TXNRD1: variants seen among roughly 807,000 people sequenced by gnomAD.
TXNRD1 encodes thioredoxin reductase 1, cytoplasmic.
Under a neutral mutation model 80.3 loss-of-function variants are expected in TXNRD1, and 57 were observed. The observed-to-expected ratio is 0.71, with a 90% CI of 0.57 to 0.89. TXNRD1 has a LOEUF of 0.89. Among genes scored for constraint, TXNRD1 ranks in the 40% least tolerant of loss-of-function variants. The pLI is 0.00. For synonymous variants in TXNRD1, 291 were observed against 285.2 expected, an observed-to-expected ratio of 1.02 and a Z score of -0.20; for missense variants, 730 against 803.0, an observed-to-expected ratio of 0.91 and a Z score of 1.10.
chr12:104,288,804 A>G (rs2034065887), intron 3 of TXNRD1, 127 bp from the exon 4 acceptor site: 1 of 1,592,504 alleles, frequency 6.3e-7, no homozygotes, highest in Non-Finnish European at 8.6e-7. Context: ...GCTAACTTGC[A>G]AGGGAGTCAA....
Position 104,288,940 on chromosome 12 carries a change from G to A in TXNRD1, c.314G>A (p.Arg105Gln), listed in dbSNP as rs2034076908. Residue 105 changes from arginine to glutamine, a missense_variant, in exon 4 of 17, where the codon CGG (arginine) becomes CAG (glutamine). Transcript: ENST00000525566. ...CTTTTGTGCCACACAGAGGACGGTC[G>A]GGCCCTGGAAGGAACGCTCTCGGAA... ...VLELDQTEDG[R>Q]ALEGTLSELA... 2 of 1,613,916 alleles carry A rather than the reference G, an allele frequency of 1.2e-6. No individual in the cohort carries two copies. Among genetic ancestry groups the A allele is most frequent in the Non-Finnish European group, 1.7e-6 (2 of 1,179,896 alleles).
chr12:104,285,222 A>G (rs1206600565), intron 3 of TXNRD1, among the ~76,000 whole-genome samples: 3 of 152,198 alleles, frequency 2.0e-5, no homozygotes, highest in Non-Finnish European at 4.4e-5. Context: ...GCATGATGAG[A>G]AATGGTGGAA....
chr12:104,247,190 C>T (rs2033013413), intron 1 of TXNRD1, among the ~76,000 whole-genome samples: 2 of 152,268 alleles, frequency 1.3e-5, no homozygotes, highest in South Asian at 4.1e-4. Flanking sequence ...TCCTCAGCCT[C>T]CCAAGTAGCT....
intron 1 of TXNRD1, among the ~76,000 whole-genome samples, chr12:104,240,532 T>C (rs1253409756): frequency 6.6e-6 from 1 of 152,178 alleles, no homozygotes; most frequent in Admixed American, 6.6e-5. Flanking sequence ...TTAGTGAAAT[T>C]GTGAGAGTTA....
In TXNRD1 at chr12:104,304,149, A is replaced by T. The variant is rs201994320; in HGVS notation, c.415-7141A>T. On this transcript the variant is annotated intron_variant, in intron 4 of 16. Coordinates refer to ENST00000525566, the MANE Select transcript of TXNRD1 (RefSeq NM_001093771.3). The stretch of plus-strand genomic sequence containing the variant: ...AACTCCTTAACCGAGGCTCTGGAGG[A>T]AGCCAACGTCCTCTTTGATGGCGTG... 2.2e-3 allele frequency: 3,543 copies of T among 1,613,914 alleles called. 8 individuals are homozygous for T. Among genetic ancestry groups the T allele is most frequent in the Non-Finnish European group, 2.9e-3 (3,363 of 1,179,890 alleles).
chr12:104,287,474 A>G lies in TXNRD1; in HGVS notation c.305-1457A>G, dbSNP rs780690085. On this transcript the variant is annotated intron_variant, in intron 3 of 16. Transcript: ENST00000525566. Reference sequence around the variant, plus strand: ...ACAGAGTCCGAGTCTTGAAATGTAGATGACAATGTGTTGAGTGGACTGACA... The same window carrying G: ...ACAGAGTCCGAGTCTTGAAATGTAGGTGACAATGTGTTGAGTGGACTGACA... The G allele has an allele frequency of 5.6e-6, 9 of 1,609,684 alleles. No individual in the cohort carries two copies. In the Admixed American group the frequency reaches 1.0e-4, roughly 18 times the overall value.
intron 1 of TXNRD1, among the ~76,000 whole-genome samples, chr12:104,218,978 C>CT (rs1167388107): frequency 6.6e-6 from 1 of 152,170 alleles, no homozygotes; most frequent in Admixed American, 6.5e-5. Context: ...GGGTCTCACT[C>CT]TGTTGCCTAG....
intron 4 of TXNRD1, among the ~76,000 whole-genome samples, chr12:104,298,808 GT>G (rs11372608): frequency 8.1e-5 from 12 of 148,736 alleles, no homozygotes; most frequent in Admixed American, 2.0e-4. Context: ...TTTGTATACA[GT>G]TTTTTTTTTT....
chr12:104,264,539 C>T (rs1170234371), intron 3 of TXNRD1, among the ~76,000 whole-genome samples: 2 of 152,028 alleles, frequency 1.3e-5, no homozygotes, highest in Non-Finnish European at 2.9e-5. Context: ...AATTTGGAGA[C>T]CACAGTATAA....
intron 14 of TXNRD1, among the ~76,000 whole-genome samples, chr12:104,333,503 A>G (rs1237396519): frequency 2.6e-5 from 4 of 152,130 alleles, no homozygotes; most frequent in Non-Finnish European, 5.9e-5. Flanking sequence ...GATACTGTAC[A>G]TTAAATTTTG....
chr12:104,275,073 G>A (rs1169134802), intron 3 of TXNRD1, among the ~76,000 whole-genome samples: 1 of 152,090 alleles, frequency 6.6e-6, no homozygotes, highest in Admixed American at 6.6e-5. Context: ...TTTTAAAGAG[G>A]TTTTTCATGT....
chr12:104,309,982 T>G, intron 4 of TXNRD1: 2 of 1,536,234 alleles, frequency 1.3e-6, no homozygotes, highest in South Asian at 2.4e-5. Context: ...CTCCTTCACA[T>G]TGCTCCACCG....
chr12:104,272,959 C>T (rs2033683083), intron 3 of TXNRD1, among the ~76,000 whole-genome samples: 1 of 151,424 alleles, frequency 6.6e-6, no homozygotes, highest in Admixed American at 6.6e-5. Flanking sequence ...CATTGCACTC[C>T]AGCCTGGGTG....
intron 9 of TXNRD1, 67 bp from the exon 10 acceptor site, chr12:104,321,024 A>G: frequency 2.2e-5 from 24 of 1,113,694 alleles, no homozygotes; most frequent in Non-Finnish European, 3.2e-5. Context: ...GTGTACTTGG[A>G]TTTAGTAATT....
intron 3 of TXNRD1, 36 bp from the exon 4 acceptor site, chr12:104,288,895 A>C (rs748889714): frequency 1.9e-6 from 3 of 1,613,644 alleles, no homozygotes; most frequent in African/African-American, 1.3e-5. Flanking sequence ...GGGGAGAAGC[A>C]CCTTACACGC....
At chr12:104,287,359 G>C (rs372675671) in intron 3 of TXNRD1, 1 of 1,614,018 alleles carries the variant, frequency 6.2e-7, no homozygotes, top group Non-Finnish European at 8.5e-7. Context: ...AGGTGAGGCC[G>C]GCGCCTGTAG....
At position 104,300,463 on chromosome 12, in the gene TXNRD1, T is replaced by G. The variant is rs35573066; in HGVS notation, c.415-10827T>G. ...TGCGCTTCTTGCTTTCTATTCCTGG[T>G]CACAGACAAATTTATCAGTAGTGCA... On this transcript the variant is annotated intron_variant, in intron 4 of 16. Transcript: ENST00000525566. Among the ~76,000 whole-genome samples, 14 of 152,350 alleles carry G rather than the reference T, an allele frequency of 9.2e-5. No homozygotes were observed. In the East Asian group the frequency reaches 2.7e-3, roughly 29 times the overall value.
chr12:104,276,044 T>C (rs979156434), intron 3 of TXNRD1, among the ~76,000 whole-genome samples: 5 of 152,214 alleles, frequency 3.3e-5, no homozygotes, highest in African/African-American at 7.2e-5. Flanking sequence ...CGGGCTCTTA[T>C]AACTATTGAG....
intron 1 of TXNRD1, among the ~76,000 whole-genome samples, chr12:104,239,472 C>T (rs367967444): frequency 1.3e-5 from 2 of 152,046 alleles, no homozygotes; most frequent in African/African-American, 4.8e-5. Context: ...TGGGATTACA[C>T]GTGTGAGCCA....
Sources: allele counts gnomAD v4.1 joint callset (sites outside exome capture counted in the v4.1 genomes callset), GRCh38; gene constraint gnomAD v4.1.1; transcripts MANE v1.5; gene names NCBI Gene and HGNC (gene_info 2026-07-23, HGNC 2026-07-21).